AFF1: variants seen among roughly 807,000 people sequenced by gnomAD.
The protein encoded by AFF1 is ALF transcription elongation factor 1.
A neutral mutation model predicts 121.7 loss-of-function variants in AFF1; 48 were observed. The ratio of observed to expected loss-of-function variants is 0.39; its 90% confidence interval spans 0.31 to 0.50. The LOEUF is 0.50. Among genes scored for constraint, AFF1 ranks in the 20% least tolerant of loss-of-function variants. The pLI, the probability that AFF1 is intolerant of heterozygous loss-of-function variation, is 0.76. For missense variants in AFF1, 1,523 were observed against 1,511.7 expected (o/e 1.01, Z -0.12); for synonymous variants, 613 against 563.0 (o/e 1.09, Z -1.26).
intron 2 of AFF1, among the ~76,000 whole-genome samples, chr4:87,034,776 A>G (rs1729398685): frequency 6.8e-6 from 1 of 146,982 alleles, no homozygotes; most frequent in Non-Finnish European, 1.5e-5. Context: ...TGATGGGTAA[A>G]AGAATTTGGT....
chr4:87,011,470 C>T (rs983255277), intron 2 of AFF1, among the ~76,000 whole-genome samples: 2 of 152,040 alleles, frequency 1.3e-5, no homozygotes, highest in Non-Finnish European at 2.9e-5. Flanking sequence ...GGTATAGATC[C>T]AGTTTTGCCC....
chr4:87,121,003 A>G (rs909377216), intron 12 of AFF1, among the ~76,000 whole-genome samples: 1 of 125,054 alleles, frequency 8.0e-6, no homozygotes, highest in African/African-American at 3.3e-5. Context: ...CCTGTGCTCC[A>G]CTGTGGGTGG....
chr4:87,127,760 T>C, intron 16 of AFF1, 57 bp downstream of exon 16: 2 of 1,565,390 alleles, frequency 1.3e-6, no homozygotes, highest in Non-Finnish European at 1.8e-6. Context: ...AAAAAAAATT[T>C]TTGGTAGTCT....
chr4:87,033,025 C>CT (rs1729217196), intron 2 of AFF1, among the ~76,000 whole-genome samples: 1 of 152,094 alleles, frequency 6.6e-6, no homozygotes, highest in South Asian at 2.1e-4. Flanking sequence ...TGGTGCATGC[C>CT]TGTAGTCCCA....
chr4:87,107,316 G>A (rs1726013703), intron 10 of AFF1, among the ~76,000 whole-genome samples: 1 of 152,174 alleles, frequency 6.6e-6, no homozygotes, highest in Non-Finnish European at 1.5e-5. Context: ...ACCATCTAGG[G>A]TGAAGCTTTA....
chr4:86,985,889 A>G (rs1355949557), intron 2 of AFF1, among the ~76,000 whole-genome samples: 2 of 147,650 alleles, frequency 1.4e-5, no homozygotes, highest in African/African-American at 4.9e-5. Context: ...AAGTGATAAC[A>G]TTATCATTTT....
intron 7 of AFF1, 99 bp downstream of exon 7, chr4:87,091,928 G>C: frequency 1.3e-6 from 1 of 779,802 alleles, no homozygotes; most frequent in East Asian, 2.9e-5. Flanking sequence ...GCAGAGATGA[G>C]GCCTTCCTAT....
rs367948350 is a variant in AFF1, at chr4:87,108,331, T to A, written c.1533+16T>A. The A allele has an allele frequency of 1.5e-5, 24 of 1,609,522 alleles. No individual in the cohort carries two copies. In the African/African-American group the frequency reaches 2.8e-4, roughly 19 times the overall value. ...AGCTCCGGAGGTACCGTGTTCCCCC[T>A]CGAGATGGCCACCTTAGATGGCAGC... On this transcript the variant is annotated intron_variant, in intron 11 of 20. Transcript: ENST00000395146.
At chr4:87,024,808 G>A (rs1728366482) in intron 2 of AFF1, among the ~76,000 whole-genome samples, 1 of 152,118 alleles carries the variant, frequency 6.6e-6, no homozygotes, top group African/African-American at 2.4e-5. Context: ...TGGCCAGGCT[G>A]GTCTCAAGCT....
chr4:86,995,563 C>T (rs1725083874), intron 2 of AFF1, among the ~76,000 whole-genome samples: 1 of 152,062 alleles, frequency 6.6e-6, no homozygotes. Context: ...ATCCGCCAGC[C>T]TCGGCCTCCC....
chr4:87,111,425 C>T (rs1726520231), intron 11 of AFF1, among the ~76,000 whole-genome samples: 1 of 150,768 alleles, frequency 6.6e-6, no homozygotes, highest in South Asian at 2.1e-4. Flanking sequence ...GTGATCTCGG[C>T]TCACTGCAAC....
intron 2 of AFF1, among the ~76,000 whole-genome samples, chr4:87,029,872 C>T (rs1422857810): frequency 6.6e-6 from 1 of 152,112 alleles, no homozygotes; most frequent in Non-Finnish European, 1.5e-5. Flanking sequence ...GGGAAGAGTC[C>T]TGAAGATGTT....
chr4:87,113,445 G>A (rs1726763555), intron 11 of AFF1, among the ~76,000 whole-genome samples: 2 of 152,110 alleles, frequency 1.3e-5, no homozygotes, highest in South Asian at 2.1e-4. Flanking sequence ...TAATTTTTTA[G>A]TTTTTTGTAG....
Position 86,950,449 on chromosome 4 carries a change from C to T in AFF1, c.38+1878C>T, listed in dbSNP as rs370650105. Among the ~76,000 whole-genome samples, 255 of 152,328 alleles carry T rather than the reference C, an allele frequency of 1.7e-3. 1 individual carries two copies. The highest frequency in any genetic ancestry group is 3.0e-3 in the Non-Finnish European group (201 of 68,026). On this transcript the variant is annotated intron_variant, in intron 2 of 20. Transcript: ENST00000395146. ...CCTCCCAAAGTGCTGGGATTACAGGCGTGAGCCGCTGTGCCCAGCCATAAT... is the reference window on the plus strand; with the variant it reads ...CCTCCCAAAGTGCTGGGATTACAGGTGTGAGCCGCTGTGCCCAGCCATAAT...
intron 17 of AFF1, among the ~76,000 whole-genome samples, chr4:87,131,472 C>G (rs1250719552): frequency 6.6e-6 from 1 of 152,114 alleles, no homozygotes; most frequent in African/African-American, 2.4e-5. Flanking sequence ...ATTGGTTTTT[C>G]CAGTTTAGCT....
In AFF1 at chr4:87,140,922, AT is replaced by A. The variant is rs1729662456; in HGVS notation, c.*5222del. 2 of 183,342 alleles carry A rather than the reference AT, an allele frequency of 1.1e-5. No individual in the cohort carries two copies. The highest frequency in any genetic ancestry group is 1.8e-4 in the East Asian group (2 of 11,194). 11.4% of individuals were successfully genotyped at this position (183,342 alleles called of 1,614,324 possible). A position where few individuals can be genotyped will look rare whatever the true frequency, so the allele number is the denominator to read the frequency against. Reference sequence around the variant, plus strand: ...TGCCACAGATCTTTTGTTCTCTGTAATGAGGATTAATTGCTGTTTAAACAAA... The same window carrying A: ...TGCCACAGATCTTTTGTTCTCTGTAAGAGGATTAATTGCTGTTTAAACAAA... On this transcript the variant is annotated 3_prime_UTR_variant, in exon 21 of 21. Coordinates refer to ENST00000395146, the MANE Select transcript of AFF1 (RefSeq NM_001166693.3).
Position 87,090,050 on chromosome 4 carries a change from A to G in AFF1, c.1171A>G (p.Lys391Glu). The change falls in exon 6 of 21, where the codon AAG becomes GAG. Residue 391 changes from lysine to glutamate, a missense_variant. Lys to Glu is a moderately conservative substitution (Grantham distance 56). Around this residue, in one of 5 missense-constraint regions of AFF1, gnomAD observed 905 missense variants for 842.5 expected, o/e 1.07. Transcript: ENST00000395146. ...IHTPSTAEPSKFPFPTKDSQH... is the reference protein window; with the variant it reads ...IHTPSTAEPSEFPFPTKDSQH... ...TACGCCTAGTACAGCTGAGCCATCC[A>G]AGTTTCCTTTCCCTACAAAGGTAAT... 1 of 1,613,876 alleles carries G rather than the reference A, an allele frequency of 6.2e-7. No homozygotes were observed. Among genetic ancestry groups the G allele is most frequent in the Non-Finnish European group, 8.5e-7 (1 of 1,179,890 alleles).
intron 18 of AFF1, 90 bp from the exon 19 acceptor site, chr4:87,132,181 C>T (rs916843617): frequency 2.6e-5 from 38 of 1,478,774 alleles, no homozygotes; most frequent in Middle Eastern, 1.8e-4. Context: ...GAGGCAAACC[C>T]GGTGTGTTCA....
intron 12 of AFF1, among the ~76,000 whole-genome samples, chr4:87,118,871 A>G (rs1333251155): frequency 6.6e-6 from 1 of 152,220 alleles, no homozygotes; most frequent in Non-Finnish European, 1.5e-5. Flanking sequence ...AGTATGCTCC[A>G]CAGGGTGGGA....
Sources: allele counts gnomAD v4.1 joint callset (sites outside exome capture counted in the v4.1 genomes callset), GRCh38; gene constraint gnomAD v4.1.1; regional missense constraint gnomAD v4.1.1; transcripts MANE v1.5; gene names NCBI Gene and HGNC (gene_info 2026-07-23, HGNC 2026-07-21).